The following ANK3 variants were observed in gnomAD, a reference collection of about 807,000 sequenced individuals.
ANK3 encodes the protein ankyrin 3.
ANK3 carries 57 observed loss-of-function variants against 370.9 expected under a neutral mutation model. The ratio of observed to expected loss-of-function variants is 0.15; its 90% CI spans 0.12 to 0.19. The LOEUF (loss-of-function observed/expected upper bound fraction) is 0.19. Among genes scored for constraint, ANK3 ranks in the 10% least tolerant of loss-of-function variants. The probability of loss-of-function intolerance (pLI) is 1.00; values close to 1 mark genes in which losing one functional copy is unlikely to be tolerated. For synonymous variants in ANK3, 1,929 were observed against 1,946.3 expected, an observed-to-expected ratio of 0.99 and a Z score of 0.23; for missense variants, 4,439 against 5,302.1, an observed-to-expected ratio of 0.84 and a Z score of 5.06.
chr10:60,479,185 G>T (rs573126954), intron 2 of ANK3, among the ~76,000 whole-genome samples: 49 of 152,056 alleles, frequency 3.2e-4, no homozygotes, highest in Non-Finnish European at 5.4e-4. Context: ...AATAAAAAGC[G>T]TACTGTCATG....
At chr10:60,722,471 A>T (rs1347320245) in intron 1 of ANK3, among the ~76,000 whole-genome samples, 1 of 152,162 alleles carries the variant, frequency 6.6e-6, no homozygotes, top group Non-Finnish European at 1.5e-5. Context: ...AATTAAAAAA[A>T]AAATTAATTG....
At chr10:60,301,223 GTATA>G (rs957193917) in intron 1 of ANK3, among the ~76,000 whole-genome samples, 79 of 143,320 alleles carry the variant, frequency 5.5e-4, no homozygotes, top group Admixed American at 1.9e-3. Flanking sequence ...ATGTATGTAT[GTATA>G]TATAAAGTAT....
intron 2 of ANK3, among the ~76,000 whole-genome samples, chr10:60,475,351 A>C (rs1412565083): frequency 6.6e-6 from 1 of 152,178 alleles, no homozygotes; most frequent in Non-Finnish European, 1.5e-5. Context: ...ATTATACTGT[A>C]ACTATAGTTA....
intron 7 of ANK3, among the ~76,000 whole-genome samples, chr10:60,240,111 T>TATATATACACAC (rs1565914196): frequency 3.7e-5 from 2 of 54,540 alleles, no homozygotes; most frequent in South Asian, 6.4e-4. Context: ...CATAAATACA[T>TATATATACACAC]ATATATACAC....
intron 1 of ANK3, among the ~76,000 whole-genome samples, chr10:60,317,502 C>G (rs2047692953): frequency 6.6e-6 from 1 of 152,092 alleles, no homozygotes; most frequent in Non-Finnish European, 1.5e-5. Context: ...TAGCACTTAG[C>G]ACCTTCTATT....
At chr10:60,423,223 A>G (rs1165281540) in intron 2 of ANK3, among the ~76,000 whole-genome samples, 2 of 152,082 alleles carry the variant, frequency 1.3e-5, no homozygotes, top group African/African-American at 4.8e-5. Context: ...GAAGACAATC[A>G]CTTCCAAAAA....
At chr10:60,269,116 T>G (rs900828898) in intron 5 of ANK3, among the ~76,000 whole-genome samples, 4 of 152,220 alleles carry the variant, frequency 2.6e-5, no homozygotes, top group African/African-American at 9.6e-5. Flanking sequence ...CCTAATTCAC[T>G]GTGTTGTTAG....
At chr10:60,365,910 GTAA>G in intron 1 of ANK3, among the ~76,000 whole-genome samples, 1 of 152,098 alleles carries the variant, frequency 6.6e-6, no homozygotes. Context: ...AGTGGTAACA[GTAA>G]TAATAATATG....
At chr10:60,217,005 T>C (rs1328459156) in intron 8 of ANK3, among the ~76,000 whole-genome samples, 1 of 152,218 alleles carries the variant, frequency 6.6e-6, no homozygotes, top group Non-Finnish European at 1.5e-5. Flanking sequence ...AGGGTATACG[T>C]GTCCAGGAAT....
chr10:60,073,312 A>G lies in ANK3; in HGVS notation c.7569T>C (p.Ser2523=), dbSNP rs1350163832. The G allele has an allele frequency of 5.6e-6, 9 of 1,613,942 alleles. No individual in the cohort carries two copies. Among genetic ancestry groups the G allele is most frequent in the Non-Finnish European group, 6.8e-6 (8 of 1,180,024 alleles). ...TAGACACTTTACCTACACCATTTTC[A>G]GAAACATCTTTATAGATTTTGGAGA... ...EILSKIYKDV[S]ENGVGKVSKD... is the part of the protein sequence containing the mutation. The change falls in exon 37 of 44, where the codon TCT becomes TCC. Residue 2523 remains serine, a synonymous_variant. Transcript: ENST00000280772.
At chr10:60,167,030 A>G in intron 21 of ANK3, 134 bp from the exon 22 acceptor site, 1 of 753,606 alleles carries the variant, frequency 1.3e-6, no homozygotes, top group South Asian at 1.8e-5. Flanking sequence ...CATATAAAAT[A>G]ACATCAAAAT....
intron 1 of ANK3, among the ~76,000 whole-genome samples, chr10:60,669,875 T>G (rs1383965469): frequency 6.6e-6 from 1 of 152,164 alleles, no homozygotes. Flanking sequence ...CAGGCTGGAG[T>G]GCAGTGGTGT....
intron 1 of ANK3, among the ~76,000 whole-genome samples, chr10:60,713,018 C>T (rs569648738): frequency 1.2e-4 from 18 of 152,242 alleles, no homozygotes; most frequent in South Asian, 6.2e-4. Flanking sequence ...GTGGAGACTT[C>T]GACACCTTTT....
chr10:60,080,806 A>G (rs1002827591), intron 35 of ANK3, among the ~76,000 whole-genome samples, 188 bp from the exon 36 acceptor site: 4 of 152,168 alleles, frequency 2.6e-5, no homozygotes, highest in African/African-American at 4.8e-5. Flanking sequence ...TGGCAAATTT[A>G]AGAGCACCAA....
At chr10:60,527,009 A>C (rs965562173) in intron 2 of ANK3, among the ~76,000 whole-genome samples, 1 of 152,294 alleles carries the variant, frequency 6.6e-6, no homozygotes, top group African/African-American at 2.4e-5. Flanking sequence ...ACATACATGT[A>C]TACATCTAAT....
At chr10:60,504,512 TA>T (rs2133150138) in intron 2 of ANK3, among the ~76,000 whole-genome samples, 1 of 152,304 alleles carries the variant, frequency 6.6e-6, no homozygotes, top group East Asian at 1.9e-4. Flanking sequence ...TACTTTTGAA[TA>T]TTGCAGCAAG....
intron 1 of ANK3, among the ~76,000 whole-genome samples, chr10:60,706,104 C>T (rs760237678): frequency 2.0e-5 from 3 of 152,058 alleles, no homozygotes; most frequent in Non-Finnish European, 2.9e-5. Flanking sequence ...CATGAGCCAC[C>T]GCACTGGTGT....
At chr10:60,664,136 C>A (rs551423911) in intron 1 of ANK3, among the ~76,000 whole-genome samples, 1 of 152,198 alleles carries the variant, frequency 6.6e-6, no homozygotes, top group Non-Finnish European at 1.5e-5. Flanking sequence ...ATAGCACGAA[C>A]CCTGATGGGA....
chr10:60,059,979 T>G (rs2080032356), intron 40 of ANK3: 1 of 1,599,370 alleles, frequency 6.3e-7, no homozygotes, highest in Non-Finnish European at 8.5e-7. Context: ...TGTGGGGGTT[T>G]CCAGTTCCAC....
Sources: allele counts gnomAD v4.1 joint callset (sites outside exome capture counted in the v4.1 genomes callset), GRCh38; gene constraint gnomAD v4.1.1; transcripts MANE v1.5; gene names NCBI Gene and HGNC (gene_info 2026-07-23, HGNC 2026-07-21).